The following LINGO2 variants were observed in gnomAD, a reference collection of about 807,000 sequenced individuals.
LINGO2 encodes the protein leucine-rich repeat and immunoglobulin-like domain-containing nogo receptor-interacting protein 2.
LINGO2 carries 14 observed loss-of-function variants against 30.6 expected under a neutral mutation model. The observed-to-expected ratio is 0.46, with a 90% CI of 0.30 to 0.72. The LOEUF (loss-of-function observed/expected upper bound fraction) is 0.72. Among genes scored for constraint, LINGO2 ranks in the 30% least tolerant of loss-of-function variants. The pLI is 0.07. For missense variants in LINGO2, 729 were observed against 751.7 expected (o/e 0.97, Z 0.35); for synonymous variants, 317 against 288.5 (o/e 1.10, Z -1.00).
At chr9:28,072,717 T>G (rs1456698245) in intron 4 of LINGO2, among the ~76,000 whole-genome samples, 1 of 152,194 alleles carries the variant, frequency 6.6e-6, no homozygotes, top group East Asian at 1.9e-4. Context: ...TTATTTCATC[T>G]GTACCTTCTC....
At chr9:29,029,259 T>A in the LINGO2 span, among the ~76,000 whole-genome samples, 1 of 152,128 alleles carries the variant, frequency 6.6e-6, no homozygotes, top group Admixed American at 6.6e-5. Context: ...CTGAGTGACC[T>A]TAGGTAAATT....
At chr9:28,885,466 T>C in the LINGO2 span, among the ~76,000 whole-genome samples, 1 of 72,680 alleles carries the variant, frequency 1.4e-5, no homozygotes, top group African/African-American at 3.7e-5. Flanking sequence ...CATACATATA[T>C]ATATACATAC....
At chr9:28,560,905 G>C (rs1823018948) in intron 1 of LINGO2, among the ~76,000 whole-genome samples, 2 of 151,974 alleles carry the variant, frequency 1.3e-5, no homozygotes, top group South Asian at 2.1e-4. Flanking sequence ...GAACTCCTGA[G>C]CTCAAGTGAT....
chr9:28,615,047 T>G (rs970631612), intron 1 of LINGO2, among the ~76,000 whole-genome samples: 6 of 152,082 alleles, frequency 3.9e-5, no homozygotes, highest in African/African-American at 1.4e-4. Context: ...GTATGGAAAA[T>G]ATAAAATTAA....
chr9:28,646,238 G>A (rs1385663316), intron 1 of LINGO2, among the ~76,000 whole-genome samples: 3 of 152,006 alleles, frequency 2.0e-5, no homozygotes, highest in African/African-American at 7.2e-5. Context: ...CCATGGAAAA[G>A]TCCTCCTCTC....
At chr9:28,069,303 G>A (rs1431272694) in intron 4 of LINGO2, among the ~76,000 whole-genome samples, 1 of 152,046 alleles carries the variant, frequency 6.6e-6, no homozygotes, top group African/African-American at 2.4e-5. Context: ...AATAGATACT[G>A]GCATATAGTC....
At chr9:28,330,588 G>C (rs926657351) in intron 3 of LINGO2, among the ~76,000 whole-genome samples, 1 of 152,052 alleles carries the variant, frequency 6.6e-6, no homozygotes, top group East Asian at 1.9e-4. Context: ...TTTAGTAAAA[G>C]AATTATACGA....
intron 2 of LINGO2, among the ~76,000 whole-genome samples, chr9:28,394,533 C>T (rs7019333): frequency 0.34 from 51,527 of 151,942 alleles, 9,030 homozygotes; most frequent in Middle Eastern, 0.47. Flanking sequence ...GATAATCTTA[C>T]CTAAATTATA....
chr9:28,752,985 C>T, the LINGO2 span, among the ~76,000 whole-genome samples: 1 of 152,088 alleles, frequency 6.6e-6, no homozygotes, highest in African/African-American at 2.4e-5. Flanking sequence ...GAATGGGACA[C>T]ATCATCACTT....
chr9:28,969,317 A>G, the LINGO2 span, among the ~76,000 whole-genome samples: 38 of 152,150 alleles, frequency 2.5e-4, no homozygotes, highest in African/African-American at 8.7e-4. Context: ...ATATCTGAGG[A>G]AAAAAAATCC....
chr9:29,188,701 G>C, the LINGO2 span, among the ~76,000 whole-genome samples: 1 of 140,418 alleles, frequency 7.1e-6, no homozygotes, highest in African/African-American at 2.6e-5. Flanking sequence ...CCAGGCGGGG[G>C]GCTGACCCCC....
intron 1 of LINGO2, among the ~76,000 whole-genome samples, chr9:28,633,968 G>A (rs1563879973): frequency 1.3e-5 from 2 of 152,156 alleles, no homozygotes; most frequent in Non-Finnish European, 2.9e-5. Context: ...AGCTTCCTGT[G>A]AGTAGGTCTC....
intron 4 of LINGO2, among the ~76,000 whole-genome samples, chr9:28,223,077 G>T (rs1332882522): frequency 6.6e-6 from 1 of 152,152 alleles, no homozygotes; most frequent in Non-Finnish European, 1.5e-5. Flanking sequence ...CTAAATTGAG[G>T]GACTTGCACT....
intron 1 of LINGO2, among the ~76,000 whole-genome samples, chr9:28,496,348 A>C (rs994181829): frequency 1.3e-5 from 2 of 152,016 alleles, no homozygotes; most frequent in African/African-American, 4.8e-5. Context: ...GTGCTCCCGT[A>C]TTGGGTGCAT....
intron 2 of LINGO2, among the ~76,000 whole-genome samples, chr9:28,377,163 T>A (rs1821162064): frequency 6.6e-6 from 1 of 152,078 alleles, no homozygotes; most frequent in Admixed American, 6.6e-5. Flanking sequence ...AATTTTTCCA[T>A]AAAAATTATA....
At chr9:28,291,279 G>A (rs142404979) in intron 4 of LINGO2, among the ~76,000 whole-genome samples, 2 of 152,162 alleles carry the variant, frequency 1.3e-5, no homozygotes, top group Admixed American at 1.3e-4. Flanking sequence ...AGAAGGATTG[G>A]TGGACTTTGA....
At chr9:28,811,999 C>A in the LINGO2 span, among the ~76,000 whole-genome samples, 1 of 151,950 alleles carries the variant, frequency 6.6e-6, no homozygotes, top group African/African-American at 2.4e-5. Context: ...CAGTTTTCTA[C>A]ATTTAATATA....
chr9:29,047,494 A>G, the LINGO2 span, among the ~76,000 whole-genome samples: 1 of 152,116 alleles, frequency 6.6e-6, no homozygotes, highest in African/African-American at 2.4e-5. Flanking sequence ...TAAAAGCCAT[A>G]TAGGAAGACC....
the LINGO2 span, among the ~76,000 whole-genome samples, chr9:29,013,153 T>C: frequency 3.3e-5 from 5 of 152,142 alleles, no homozygotes; most frequent in African/African-American, 7.2e-5. Context: ...GAGAGAAAGA[T>C]GCAATTTATT....
Sources: gnomAD v4.1 joint callset for allele counts (sites outside exome capture counted in the v4.1 genomes callset) on GRCh38, gnomAD v4.1.1 for gene constraint, MANE v1.5 for transcripts, NCBI Gene and HGNC (gene_info 2026-07-23, HGNC 2026-07-21) for gene names.